ADAMTSL3: variants seen among roughly 807,000 people sequenced by gnomAD.
ADAMTSL3 encodes ADAMTS-like protein 3.
ADAMTSL3 carries 128 observed loss-of-function variants against 201.7 expected under a neutral mutation model. That is an observed-to-expected ratio of 0.63 (90% confidence interval 0.55 to 0.73). The LOEUF is 0.73. Ranked by LOEUF, ADAMTSL3 falls within the 30% of genes least tolerant of loss-of-function variation. The pLI, the probability that ADAMTSL3 is intolerant of heterozygous loss-of-function variation, is 0.00. For missense variants in ADAMTSL3, 1,990 were observed against 2,119.6 expected (o/e 0.94, Z 1.20); for synonymous variants, 738 against 748.4 (o/e 0.99, Z 0.23).
At chr15:84,030,960 A>G (rs773514228) in intron 27 of ADAMTSL3, among the ~76,000 whole-genome samples, 1 of 152,166 alleles carries the variant, frequency 6.6e-6, no homozygotes, top group Non-Finnish European at 1.5e-5. Flanking sequence ...CCGCTTGTGA[A>G]GAAGGTGCCT....
chr15:83,722,778 A>G (rs1458805834), intron 3 of ADAMTSL3, among the ~76,000 whole-genome samples: 2 of 152,160 alleles, frequency 1.3e-5, no homozygotes, highest in Non-Finnish European at 2.9e-5. Flanking sequence ...TAAACATTTA[A>G]TATATTCAGT....
intron 2 of ADAMTSL3, among the ~76,000 whole-genome samples, chr15:83,694,953 A>G (rs2061659727): frequency 6.6e-6 from 1 of 152,182 alleles, no homozygotes; most frequent in Non-Finnish European, 1.5e-5. Context: ...AATGTGTTCT[A>G]GCAAGATCTT....
intron 2 of ADAMTSL3, among the ~76,000 whole-genome samples, chr15:83,685,065 A>G (rs2061518119): frequency 1.3e-5 from 2 of 152,170 alleles, no homozygotes; most frequent in South Asian, 2.1e-4. Flanking sequence ...TCTCTTCAGT[A>G]TTATAATTTA....
At chr15:83,875,493 G>C (rs925389201) in intron 9 of ADAMTSL3, among the ~76,000 whole-genome samples, 4 of 152,262 alleles carry the variant, frequency 2.6e-5, no homozygotes, top group African/African-American at 9.6e-5. Flanking sequence ...GGTGATTCAC[G>C]TAGAACAATC....
chr15:83,748,877 C>T (rs906103843), intron 3 of ADAMTSL3, among the ~76,000 whole-genome samples: 2 of 151,866 alleles, frequency 1.3e-5, no homozygotes, highest in South Asian at 2.1e-4. Flanking sequence ...CAGTGGGAGC[C>T]GGTATTTGGG....
intron 23 of ADAMTSL3, among the ~76,000 whole-genome samples, chr15:83,995,879 G>A (rs114402461): frequency 6.6e-6 from 1 of 152,180 alleles, no homozygotes; most frequent in African/African-American, 2.4e-5. Flanking sequence ...TAAAGACTTA[G>A]CATAAAGCTT....
chr15:83,748,923 C>A (rs1437508611), intron 3 of ADAMTSL3, among the ~76,000 whole-genome samples: 2 of 151,994 alleles, frequency 1.3e-5, no homozygotes, highest in Admixed American at 6.6e-5. Flanking sequence ...TTCCAGGGAG[C>A]AGACCCTGAG....
At chr15:84,009,863 G>A (rs965465081) in intron 23 of ADAMTSL3, among the ~76,000 whole-genome samples, 1 of 152,244 alleles carries the variant, frequency 6.6e-6, no homozygotes, top group African/African-American at 2.4e-5. Context: ...TAGCCTGGCT[G>A]AAGGCCTCTG....
chr15:83,759,374 C>T (rs1052621906), intron 3 of ADAMTSL3, among the ~76,000 whole-genome samples: 28 of 152,024 alleles, frequency 1.8e-4, no homozygotes, highest in South Asian at 1.0e-3. Context: ...TACAGGTGCC[C>T]GCCACCATGC....
intron 23 of ADAMTSL3, among the ~76,000 whole-genome samples, chr15:84,009,938 T>C (rs1040854473): frequency 6.6e-6 from 1 of 152,260 alleles, no homozygotes; most frequent in Non-Finnish European, 1.5e-5. Flanking sequence ...GGAGGAATAA[T>C]GAATAAGCCA....
intron 26 of ADAMTSL3, among the ~76,000 whole-genome samples, chr15:84,024,569 T>C (rs566079406): frequency 2.6e-5 from 4 of 152,316 alleles, no homozygotes; most frequent in Non-Finnish European, 5.9e-5. Context: ...TGGATAACCA[T>C]GGACATCATG....
chr15:83,740,448 T>C (rs2141634225), intron 3 of ADAMTSL3, among the ~76,000 whole-genome samples: 1 of 152,302 alleles, frequency 6.6e-6, no homozygotes, highest in East Asian at 1.9e-4. Context: ...TACTAATTAT[T>C]TGGAAATGAA....
At chr15:83,780,392 A>G (rs911424540) in intron 4 of ADAMTSL3, among the ~76,000 whole-genome samples, 6 of 150,876 alleles carry the variant, frequency 4.0e-5, no homozygotes, top group Non-Finnish European at 7.4e-5. Flanking sequence ...CCTGGGCGAC[A>G]AGAGTGAAAC....
chr15:83,972,523 T>C (rs2142131010), intron 20 of ADAMTSL3, among the ~76,000 whole-genome samples: 1 of 152,216 alleles, frequency 6.6e-6, no homozygotes, highest in Non-Finnish European at 1.5e-5. Context: ...AATAACAGAA[T>C]AGCATGTGGA....
intron 10 of ADAMTSL3, among the ~76,000 whole-genome samples, chr15:83,887,719 AGCTGGAACTACAGGCATGT>A (rs1453970028): frequency 6.6e-6 from 1 of 152,104 alleles, no homozygotes; most frequent in Non-Finnish European, 1.5e-5. Context: ...CTTCCCGAGT[AGCTGGAACTACAGGCATGT>A]GCCACCATGC....
intron 2 of ADAMTSL3, among the ~76,000 whole-genome samples, chr15:83,672,296 G>A (rs1160624742): frequency 4.6e-5 from 7 of 152,242 alleles, no homozygotes; most frequent in Middle Eastern, 3.2e-3. Context: ...TAAGGTGTCA[G>A]TGAAGCAGGG....
intron 16 of ADAMTSL3, among the ~76,000 whole-genome samples, chr15:83,915,577 A>G (rs2066020379): frequency 1.3e-5 from 2 of 152,100 alleles, no homozygotes; most frequent in African/African-American, 4.8e-5. Context: ...TATACAATGT[A>G]GTGGTTTCTA....
In ADAMTSL3 at chr15:83,819,846, G is replaced by A. The variant is rs1265127293; in HGVS notation, c.399G>A (p.Gln133=). ...CPPDAEDFRA[Q]QCSAYNDVQY... ...CAGATGCAGAAGATTTCAGAGCCCA[G>A]CAGTGCTCAGCCTACAATGATGTCC... Residue 133 remains glutamine, a synonymous_variant, in exon 6 of 30, where the codon CAG becomes CAA. Coordinates refer to ENST00000286744, the MANE Select transcript of ADAMTSL3 (RefSeq NM_207517.3). 1 of 1,614,028 alleles carries A rather than the reference G, an allele frequency of 6.2e-7. No homozygotes were observed. Among genetic ancestry groups the A allele is most frequent in the Non-Finnish European group, 8.5e-7 (1 of 1,180,032 alleles).
chr15:83,719,601 G>A lies in ADAMTSL3; in HGVS notation c.189+15093G>A, dbSNP rs185997993. 1.5e-3 allele frequency among the ~76,000 whole-genome samples: 231 copies of A among 152,278 alleles called. 7 individuals are homozygous for A. In the South Asian group the frequency reaches 0.046, roughly 30 times the overall value. Reference sequence around the variant, plus strand: ...ATATTTACTGATTAAATGATGTTTTGTATAGTGGGAGTGGGTGAGTAGTAG... The same window carrying A: ...ATATTTACTGATTAAATGATGTTTTATATAGTGGGAGTGGGTGAGTAGTAG... On this transcript the variant is annotated intron_variant, in intron 3 of 29. Transcript: ENST00000286744.
Sources: gnomAD v4.1 joint callset for allele counts (sites outside exome capture counted in the v4.1 genomes callset) on GRCh38, gnomAD v4.1.1 for gene constraint, MANE v1.5 for transcripts, NCBI Gene and HGNC (gene_info 2026-07-23, HGNC 2026-07-21) for gene names.